The following CEP350 variants were observed in gnomAD, a reference collection of about 807,000 sequenced individuals.
The protein encoded by CEP350 is centrosomal protein 350.
A neutral mutation model predicts 331.8 loss-of-function variants in CEP350; 126 were observed. That is an observed-to-expected ratio of 0.38 (90% CI 0.33 to 0.44). The LOEUF (loss-of-function observed/expected upper bound fraction) is 0.44, where lower values mean the gene tolerates loss of function less well. Among genes scored for constraint, CEP350 ranks in the 20% least tolerant of loss-of-function variants. CEP350 has a pLI of 1.00. For synonymous variants in CEP350, 1,200 were observed against 1,259.5 expected (o/e 0.95, Z 1.00); for missense variants, 3,406 against 3,634.6 (o/e 0.94, Z 1.62).
intron 31 of CEP350, 161 bp from the exon 32 acceptor site, chr1:180,087,417 A>G (rs1412893676): frequency 5.6e-6 from 3 of 535,760 alleles, no homozygotes; most frequent in East Asian, 3.5e-5. Context: ...ACAAATAACT[A>G]TAGAGTTCTG....
chr1:180,061,051 CTT>C (rs769231317), intron 25 of CEP350, among the ~76,000 whole-genome samples: 9 of 151,966 alleles, frequency 5.9e-5, no homozygotes, highest in Admixed American at 1.3e-4. Flanking sequence ...CAATTGTTAA[CTT>C]GGTGTTTTGG....
chr1:180,020,924 C>T lies in CEP350; in HGVS notation c.3150C>T (p.Ser1050=), dbSNP rs768574853. The change falls in exon 12 of 38, where the codon AGC becomes AGT. Residue 1050 remains serine (S), a synonymous_variant. Coordinates refer to ENST00000367607, the MANE Select transcript of CEP350 (RefSeq NM_014810.5). ...PLFGHIGGTQ[S]KGPWEELAKG... ...TTGGGCACATAGGTGGTACACAAAGCAAAGGACCATGGGAAGAATTGGCAA... is the reference window on the plus strand; with the variant it reads ...TTGGGCACATAGGTGGTACACAAAGTAAAGGACCATGGGAAGAATTGGCAA... The T allele has an allele frequency of 6.2e-7, 1 of 1,609,184 alleles. No homozygotes were observed. The highest frequency in any genetic ancestry group is 1.7e-5 in the Admixed American group (1 of 58,802).
chr1:180,075,000 G>C, intron 27 of CEP350, 22 bp from the exon 28 acceptor site: 2 of 1,587,652 alleles, frequency 1.3e-6, no homozygotes, highest in Middle Eastern at 1.7e-4. Context: ...CTCTCAAACT[G>C]TTCTTCATGG....
At chr1:179,966,625 C>G (rs1343772749) in intron 1 of CEP350, among the ~76,000 whole-genome samples, 1 of 152,112 alleles carries the variant, frequency 6.6e-6, no homozygotes, top group Non-Finnish European at 1.5e-5. Flanking sequence ...TTTCTGAAAG[C>G]TGAAATTGGT....
At chr1:180,070,696 T>C (rs1298819712) in intron 27 of CEP350, among the ~76,000 whole-genome samples, 2 of 152,206 alleles carry the variant, frequency 1.3e-5, no homozygotes, top group African/African-American at 4.8e-5. Context: ...TTCAACCTCA[T>C]AGATTTTTTT....
Position 179,986,202 on chromosome 1 carries a change from A to G in CEP350, c.21A>G (p.Lys7=). MRSSKS[K]EVPLPNPRNS... ...GCAGGATGAGGAGCAGCAAATCAAA[A>G]GAGGTGCCTTTACCAAATCCAAGGA... Residue 7 remains lysine, a synonymous_variant, in exon 2 of 38, where the codon AAA becomes AAG. Transcript: ENST00000367607. 6.4e-7 allele frequency: 1 copy of G among 1,551,668 alleles called. No individual in the cohort carries two copies. The highest frequency in any genetic ancestry group is 1.2e-5 in the South Asian group (1 of 83,986).
chr1:180,098,292 A>C (rs778783950), intron 36 of CEP350, among the ~76,000 whole-genome samples: 1 of 151,532 alleles, frequency 6.6e-6, no homozygotes, highest in Non-Finnish European at 1.5e-5. Flanking sequence ...GTAAACTCTA[A>C]AGTGATTTTT....
intron 4 of CEP350, among the ~76,000 whole-genome samples, chr1:179,991,667 ATGTGTGTGTGTGTGTG>A (rs751570955): frequency 1.0e-4 from 9 of 90,208 alleles, no homozygotes; most frequent in East Asian, 7.0e-4. Flanking sequence ...ATATATATAT[ATGTGTGTGTGTGTGTG>A]TGTGTGTGTG....
Position 180,062,866 on chromosome 1 carries a change from A to G in CEP350, c.5409+500A>G, listed in dbSNP as rs539962876. 6.6e-4 allele frequency among the ~76,000 whole-genome samples: 100 copies of G among 152,338 alleles called. 1 individual carries two copies. Among genetic ancestry groups the G allele is most frequent in the African/African-American group, 2.4e-3 (99 of 41,580 alleles). ...GTTACAATGAGAATTAAGATTCAACATGAGTTACAGAGGGGACAAACATTC... is the reference window on the plus strand; with the variant it reads ...GTTACAATGAGAATTAAGATTCAACGTGAGTTACAGAGGGGACAAACATTC... On this transcript the variant is annotated intron_variant, in intron 26 of 37. Transcript: ENST00000367607.
At chr1:179,956,544 T>G (rs768306993) in intron 1 of CEP350, among the ~76,000 whole-genome samples, 7 of 152,156 alleles carry the variant, frequency 4.6e-5, no homozygotes, top group Admixed American at 1.3e-4. Flanking sequence ...AATTATAAAG[T>G]TTTTGGATTT....
intron 1 of CEP350, chr1:179,968,877 A>G: frequency 1.3e-6 from 1 of 748,750 alleles, no homozygotes; most frequent in Non-Finnish European, 2.4e-6. Context: ...TCAGTGTCAT[A>G]TTCTGCAGAA....
intron 34 of CEP350, among the ~76,000 whole-genome samples, chr1:180,094,957 C>G (rs974224625): frequency 1.3e-5 from 2 of 152,230 alleles, no homozygotes; most frequent in Admixed American, 6.5e-5. Context: ...ATTCACTGAA[C>G]AAATTCGTTC....
intron 18 of CEP350, among the ~76,000 whole-genome samples, 166 bp from the exon 19 acceptor site, chr1:180,041,496 C>G (rs1294162348): frequency 6.6e-6 from 1 of 152,072 alleles, no homozygotes; most frequent in Non-Finnish European, 1.5e-5. Context: ...TCCACAGATA[C>G]AGTAACTTGT....
intron 15 of CEP350, among the ~76,000 whole-genome samples, chr1:180,032,760 T>C (rs1200456215): frequency 6.6e-6 from 1 of 152,116 alleles, no homozygotes; most frequent in African/African-American, 2.4e-5. Context: ...CTAAATTTTA[T>C]CTGCATAGCA....
chr1:180,101,863 G>A (rs376812495), intron 37 of CEP350, among the ~76,000 whole-genome samples: 4 of 152,306 alleles, frequency 2.6e-5, no homozygotes, highest in South Asian at 2.1e-4. Context: ...ATACAGAGAC[G>A]CATAGGGTGG....
At chr1:179,984,937 A>G (rs940879543) in intron 1 of CEP350, among the ~76,000 whole-genome samples, 1 of 152,166 alleles carries the variant, frequency 6.6e-6, no homozygotes, top group African/African-American at 2.4e-5. Context: ...CCATGGGCAG[A>G]TCATGATCTT....
intron 28 of CEP350, 121 bp from the exon 29 acceptor site, chr1:180,078,342 C>T (rs986244036): frequency 3.0e-6 from 2 of 673,204 alleles, no homozygotes; most frequent in Non-Finnish European, 5.1e-6. Context: ...TATGACTCTC[C>T]TGTTTGTGGG....
Position 180,033,848 on chromosome 1 carries a change from A to G in CEP350, c.3726-14A>G, listed in dbSNP as rs6661845. On this transcript the variant is annotated splice_polypyrimidine_tract_variant and intron_variant, in intron 15 of 37. Transcript: ENST00000367607. The stretch of plus-strand genomic sequence containing the variant: ...TTTCCTTCCTCTAATGTTTTTGTGG[A>G]TCAAAACTTCTAGTGTCTCATCAGA... 3.2e-3 allele frequency: 5,128 copies of G among 1,609,748 alleles called. 121 individuals are homozygous for G. The African/African-American group carries it at 0.053, about 17-fold the overall frequency.
At position 180,111,369 on chromosome 1, in the gene CEP350, A is replaced by G; in HGVS notation, c.*208A>G. On this transcript the variant is annotated 3_prime_UTR_variant, in exon 38 of 38. Transcript: ENST00000367607. ...AGACTATCCACTGGATTAATGGGTT[A>G]TTTTCAGTGGGCAGGGTTGCACAGT... The G allele has an allele frequency of 3.6e-6, 2 of 557,684 alleles. No homozygotes were observed. Among genetic ancestry groups the G allele is most frequent in the Non-Finnish European group, 6.1e-6 (2 of 327,772 alleles). The allele number at this position is 557,684 out of a possible 1,614,324, so 34.5% of individuals were successfully genotyped here. A position where few individuals can be genotyped will look rare whatever the true frequency, so the allele number is the denominator to read the frequency against.
Sources: gnomAD v4.1 joint callset for allele counts (sites outside exome capture counted in the v4.1 genomes callset) on GRCh38, gnomAD v4.1.1 for gene constraint, MANE v1.5 for transcripts, NCBI Gene and HGNC (gene_info 2026-07-23, HGNC 2026-07-21) for gene names.